The following MYO9A variants were observed in gnomAD, a reference collection of about 807,000 sequenced individuals.
The protein encoded by MYO9A is myosin IXA, also known as unconventional myosin-IXa.
Under a neutral mutation model 293.3 loss-of-function variants are expected in MYO9A, and 103 were observed. The observed-to-expected ratio is 0.35, with a 90% CI of 0.30 to 0.41. The LOEUF (loss-of-function observed/expected upper bound fraction) is 0.41, where lower values mean the gene tolerates loss of function less well. Among genes scored for constraint, MYO9A ranks in the 10% least tolerant of loss-of-function variants. The pLI is 1.00. For missense variants in MYO9A, 2,685 were observed against 3,033.0 expected, an observed-to-expected ratio of 0.89 and a Z score of 2.69; for synonymous variants, 1,001 against 1,035.7, an observed-to-expected ratio of 0.97 and a Z score of 0.64.
At chr15:72,102,628 A>G (rs2080396987) in intron 1 of MYO9A, among the ~76,000 whole-genome samples, 1 of 152,202 alleles carries the variant, frequency 6.6e-6, no homozygotes, top group African/African-American at 2.4e-5. Context: ...ACATCTCAAA[A>G]AAATCCAAGA....
intron 25 of MYO9A, chr15:71,897,221 C>T (rs1453981362): frequency 2.1e-6 from 1 of 484,274 alleles, no homozygotes; most frequent in East Asian, 3.3e-5. Flanking sequence ...AAATGCTTCT[C>T]ACTTAATGGG....
At chr15:72,012,587 C>A (rs2077205694) in intron 6 of MYO9A, among the ~76,000 whole-genome samples, 1 of 152,110 alleles carries the variant, frequency 6.6e-6, no homozygotes, top group Non-Finnish European at 1.5e-5. Context: ...AGTAAGCCAC[C>A]GTACCCAGCC....
At chr15:71,934,786 C>CAT (rs2058585389) in intron 17 of MYO9A, among the ~76,000 whole-genome samples, 2 of 61,788 alleles carry the variant, frequency 3.2e-5, no homozygotes, top group African/African-American at 1.3e-4. Context: ...CTTTTCTTTT[C>CAT]TTTTTTTTTT....
At position 71,826,634 on chromosome 15, in the gene MYO9A, G is replaced by A. The variant is rs760130061; in HGVS notation, c.7593C>T (p.Asp2531=). 7 of 1,612,450 alleles carry A rather than the reference G, an allele frequency of 4.3e-6. No homozygotes were observed. Among genetic ancestry groups the A allele is most frequent in the Non-Finnish European group, 5.9e-6 (7 of 1,179,642 alleles). The part of the protein sequence containing the change: ...MSGRRKTVDP[D]CTSNQQLALF... ...GTGCTAGCTGTTGGTTGGAGGTGCA[G>A]TCTGGGTCCACAGTTTTTCTGCGGC... Residue 2531 remains aspartate, a synonymous_variant, in exon 42 of 42, where the codon GAC becomes GAT. Coordinates refer to ENST00000356056, the MANE Select transcript of MYO9A (RefSeq NM_006901.4).
chr15:71,919,736 G>A (rs1012527899), intron 18 of MYO9A, among the ~76,000 whole-genome samples: 7 of 150,688 alleles, frequency 4.6e-5, no homozygotes, highest in African/African-American at 1.7e-4. Context: ...CAGCTACTCG[G>A]GAGGCTGAGG....
At chr15:71,841,414 G>GT (rs1465762374) in intron 39 of MYO9A, among the ~76,000 whole-genome samples, 2 of 152,134 alleles carry the variant, frequency 1.3e-5, no homozygotes, top group East Asian at 3.9e-4. Flanking sequence ...TAATAAGAAT[G>GT]TTTTTAAAAA....
chr15:71,856,203 C>T (rs1478390464), intron 34 of MYO9A, among the ~76,000 whole-genome samples: 1 of 151,836 alleles, frequency 6.6e-6, no homozygotes, highest in Non-Finnish European at 1.5e-5. Flanking sequence ...CCCAGCTACT[C>T]AGGAGGCTGA....
intron 2 of MYO9A, among the ~76,000 whole-genome samples, chr15:72,042,866 A>G (rs1443434633): frequency 6.6e-6 from 1 of 151,950 alleles, no homozygotes; most frequent in East Asian, 1.9e-4. Flanking sequence ...GTTCAGGACC[A>G]GCCCGCCTAG....
intron 15 of MYO9A, among the ~76,000 whole-genome samples, chr15:71,951,238 G>C (rs564887954): frequency 6.6e-6 from 1 of 152,288 alleles, no homozygotes; most frequent in East Asian, 1.9e-4. Flanking sequence ...TGCTAATGTT[G>C]AAATTTCAAG....
chr15:71,959,897 T>G lies in MYO9A; in HGVS notation c.2182+4A>C. 6.2e-7 allele frequency: 1 copy of G among 1,605,620 alleles called. No homozygotes were observed. The highest frequency in any genetic ancestry group is 8.5e-7 in the Non-Finnish European group (1 of 1,173,992). The stretch of plus-strand genomic sequence containing the variant: ...ATGGTAGAATACTAATAACTACTAC[T>G]TACCAGTTTTTCTGTGAATGTTTCT... On this transcript the variant is annotated splice_donor_region_variant and intron_variant, in intron 14 of 41. Coordinates refer to ENST00000356056, the MANE Select transcript of MYO9A (RefSeq NM_006901.4).
chr15:71,989,733 G>C lies in MYO9A; in HGVS notation c.1722+1370C>G, dbSNP rs1420499595. Among the ~76,000 whole-genome samples the C allele has an allele frequency of 3.9e-5, 6 of 152,020 alleles. 1 individual carries two copies. Among genetic ancestry groups the C allele is most frequent in the Admixed American group, 3.9e-4 (6 of 15,256 alleles). ...ACACACACACATCTTTTTAATCAAA[G>C]GTTCATTCAAGGCCAGGAGTGGTAG... On this transcript the variant is annotated intron_variant, in intron 11 of 41. Transcript: ENST00000356056.
At chr15:71,889,944 G>C (rs995551088) in intron 26 of MYO9A, 2 of 152,124 alleles carry the variant, frequency 1.3e-5, no homozygotes, top group African/African-American at 2.4e-5. Flanking sequence ...GCTGTCTTAA[G>C]GCTGCCAATC....
intron 14 of MYO9A, among the ~76,000 whole-genome samples, chr15:71,953,173 C>T (rs1293779414): frequency 6.6e-6 from 1 of 152,074 alleles, no homozygotes; most frequent in African/African-American, 2.4e-5. Flanking sequence ...GAAGTATAAC[C>T]AAGCTTAACA....
intron 1 of MYO9A, among the ~76,000 whole-genome samples, chr15:72,113,050 G>A (rs1421767181): frequency 6.6e-6 from 1 of 152,188 alleles, no homozygotes; most frequent in Non-Finnish European, 1.5e-5. Flanking sequence ...GGGCAACACA[G>A]TGAGACCCTA....
intron 7 of MYO9A, among the ~76,000 whole-genome samples, chr15:72,009,323 C>T (rs1448618120): frequency 6.6e-6 from 1 of 152,018 alleles, no homozygotes. Context: ...AGTAAATAGC[C>T]TGCTAATTAA....
At chr15:72,059,177 G>A (rs1200665659) in intron 1 of MYO9A, among the ~76,000 whole-genome samples, 1 of 152,204 alleles carries the variant, frequency 6.6e-6, no homozygotes, top group Non-Finnish European at 1.5e-5. Context: ...CAGTAGTACA[G>A]GTTGGAATCA....
chr15:72,001,198 TACATAATAAAA>T (rs1469209939), intron 8 of MYO9A, among the ~76,000 whole-genome samples: 1 of 152,170 alleles, frequency 6.6e-6, no homozygotes, highest in Non-Finnish European at 1.5e-5. Flanking sequence ...AAAGTATCCA[TACATAATAAAA>T]ACATAACATT....
chr15:71,838,061 G>A (rs2055009746), intron 39 of MYO9A, among the ~76,000 whole-genome samples: 1 of 151,830 alleles, frequency 6.6e-6, no homozygotes, highest in Non-Finnish European at 1.5e-5. Context: ...AGTGAAAAAG[G>A]CAAATATTTT....
chr15:71,922,007 T>TC (rs2058168233), intron 18 of MYO9A, among the ~76,000 whole-genome samples: 1 of 152,148 alleles, frequency 6.6e-6, no homozygotes, highest in African/African-American at 2.4e-5. Flanking sequence ...GCATGGAGTC[T>TC]CACTCTGTCG....
Sources: gnomAD v4.1 joint callset for allele counts (sites outside exome capture counted in the v4.1 genomes callset) on GRCh38, gnomAD v4.1.1 for gene constraint, MANE v1.5 for transcripts, NCBI Gene and HGNC (gene_info 2026-07-23, HGNC 2026-07-21) for gene names.